Variants in KANK2 observed in about 807,000 individuals in gnomAD.
KANK2 encodes the protein KN motif and ankyrin repeat domains 2.
A neutral mutation model predicts 74.6 loss-of-function variants in KANK2; 41 were observed. The observed-to-expected ratio is 0.55, with a 90% CI of 0.43 to 0.71. KANK2 has a LOEUF of 0.71. KANK2 is among the 30% of genes least tolerant of loss of function. KANK2 has a pLI of 0.00. For synonymous variants in KANK2, 537 were observed against 519.0 expected (o/e 1.03, Z -0.47); for missense variants, 1,148 against 1,196.4 (o/e 0.96, Z 0.60).
chr19:11,180,842 T>G (rs2078492808), intron 4 of KANK2, among the ~76,000 whole-genome samples: 1 of 151,840 alleles, frequency 6.6e-6, no homozygotes, highest in Admixed American at 6.6e-5. Flanking sequence ...TCCCAGCACC[T>G]TGGGAGGCTG....
intron 4 of KANK2, 41 bp downstream of exon 4, chr19:11,192,790 C>T (rs199696692): frequency 7.5e-5 from 119 of 1,580,060 alleles, no homozygotes; most frequent in South Asian, 1.2e-4. Context: ...GAGGCCCCCC[C>T]CCCCCAAGCC....
In KANK2 at chr19:11,196,031, T is replaced by C. The variant is rs1376180506; in HGVS notation, c.-278-211A>G. 3.3e-5 allele frequency: 5 copies of C among 152,098 alleles called. No homozygotes were observed. In the Admixed American group the frequency reaches 3.3e-4, roughly 10 times the overall value. The allele number at this position is 152,098 out of a possible 1,614,324, so 9.4% of individuals were successfully genotyped here. On this transcript the variant is annotated intron_variant, in intron 1 of 12. Transcript: ENST00000586659. Reference sequence around the variant, plus strand: ...TGAGGGTGCTGCTGGGTAAATAGTATAGTAACAGTAATACTAACATCAACT... The same window carrying C: ...TGAGGGTGCTGCTGGGTAAATAGTACAGTAACAGTAATACTAACATCAACT...
intron 4 of KANK2, among the ~76,000 whole-genome samples, chr19:11,190,473 T>G (rs1299392040): frequency 6.6e-6 from 1 of 152,134 alleles, no homozygotes; most frequent in East Asian, 1.9e-4. Flanking sequence ...ACAGGACAAA[T>G]GAATCTCCTC....
chr19:11,191,596 G>A (rs1377642264), intron 4 of KANK2, among the ~76,000 whole-genome samples: 1 of 152,222 alleles, frequency 6.6e-6, no homozygotes, highest in Admixed American at 6.5e-5. Flanking sequence ...GCCAATGAGG[G>A]CCCCCTCTGG....
At chr19:11,176,504 T>A (rs2078340251) in intron 7 of KANK2, 74 bp downstream of exon 7, 2 of 1,492,836 alleles carry the variant, frequency 1.3e-6, no homozygotes, top group Non-Finnish European at 9.0e-7. Flanking sequence ...TCAAAGGGCT[T>A]GAACGGTGGG....
At chr19:11,192,723 C>T (rs1479134406) in intron 4 of KANK2, 108 bp downstream of exon 4, 2 of 1,399,138 alleles carry the variant, frequency 1.4e-6, no homozygotes, top group South Asian at 2.4e-5. Flanking sequence ...GCATGCGCCA[C>T]CGCACCCTGC....
chr19:11,192,582 CA>C, intron 4 of KANK2: 1 of 434,842 alleles, frequency 2.3e-6, no homozygotes. Context: ...TTTACAGGCG[CA>C]CGCCACCACA....
chr19:11,188,938 T>C (rs1319732416), intron 4 of KANK2, among the ~76,000 whole-genome samples: 1 of 149,022 alleles, frequency 6.7e-6, no homozygotes, highest in Admixed American at 6.8e-5. Flanking sequence ...TGAGCGGAGA[T>C]AGCGCCATTG....
chr19:11,192,808 CCT>C (rs1156883385), intron 4 of KANK2, 21 bp downstream of exon 4: 22 of 1,611,278 alleles, frequency 1.4e-5, no homozygotes, highest in Non-Finnish European at 1.9e-5. Context: ...GCCATTCTCC[CCT>C]GCCTGCCTGC....
chr19:11,186,118 T>G (rs1813659512), intron 4 of KANK2, among the ~76,000 whole-genome samples: 1 of 152,154 alleles, frequency 6.6e-6, no homozygotes, highest in Non-Finnish European at 1.5e-5. Flanking sequence ...CCGGGCGTGG[T>G]AGCTCACACC....
At chr19:11,194,197 G>C (rs532950573) in intron 3 of KANK2, among the ~76,000 whole-genome samples, 155 bp from the exon 4 acceptor site, 5 of 152,112 alleles carry the variant, frequency 3.3e-5, no homozygotes, top group Non-Finnish European at 7.4e-5. Context: ...CCAGAGCAGG[G>C]CTATGCCTCC....
chr19:11,173,077 A>G lies in KANK2; in HGVS notation c.2115T>C (p.Ile705=). 6.2e-7 allele frequency: 1 copy of G among 1,614,118 alleles called. No individual in the cohort carries two copies. Among genetic ancestry groups the G allele is most frequent in the South Asian group, 1.1e-5 (1 of 91,080 alleles). The part of the protein sequence containing the change: ...DKQNRAGYSP[I]MLTALATLKT... Reference sequence around the variant, plus strand: ...TCAGGGTGGCCAGGGCGGTGAGCATAATAGGGCTGTAGCCAGCACGGTTCT... The same window carrying G: ...TCAGGGTGGCCAGGGCGGTGAGCATGATAGGGCTGTAGCCAGCACGGTTCT... Residue 705 remains isoleucine (I), a synonymous_variant, in exon 10 of 13, where the codon ATT becomes ATC. Transcript: ENST00000586659.
At chr19:11,194,348 TC>T in intron 3 of KANK2, 126 bp downstream of exon 3, 1 of 751,344 alleles carries the variant, frequency 1.3e-6, no homozygotes, top group East Asian at 2.6e-5. Flanking sequence ...CTCTGCCTCC[TC>T]CCTCAGACCT....
intron 7 of KANK2, 84 bp from the exon 8 acceptor site, chr19:11,176,073 T>G: frequency 1.9e-6 from 2 of 1,043,866 alleles, no homozygotes; most frequent in Non-Finnish European, 2.9e-6. Context: ...ACCACGTCAC[T>G]CACAATAGGG....
chr19:11,176,526 G>A, intron 7 of KANK2, 52 bp downstream of exon 7: 1 of 1,519,054 alleles, frequency 6.6e-7, no homozygotes, highest in Non-Finnish European at 8.8e-7. Context: ...GTTTGAGGCA[G>A]AGGTCATCCA....
intron 4 of KANK2, among the ~76,000 whole-genome samples, chr19:11,189,937 G>A (rs1053523375): frequency 6.6e-6 from 1 of 152,096 alleles, no homozygotes; most frequent in African/African-American, 2.4e-5. Flanking sequence ...CACAGAACAG[G>A]CGGGTGGTGT....
At chr19:11,176,840 GGGGAGATGCTGCAGGT>G (rs1568645283) in intron 6 of KANK2, 23 bp from the exon 7 acceptor site, 4 of 1,494,454 alleles carry the variant, frequency 2.7e-6, no homozygotes, top group Non-Finnish European at 3.6e-6. Context: ...GAGCGGGGAG[GGGGAGATGCTGCAGGT>G]GGGATGAGAA....
intron 4 of KANK2, among the ~76,000 whole-genome samples, chr19:11,190,332 TG>T (rs1273674148): frequency 6.6e-6 from 1 of 152,162 alleles, no homozygotes; most frequent in Non-Finnish European, 1.5e-5. Context: ...TTCGCCATAT[TG>T]GCCAGGCTGG....
rs922730668 is a variant in KANK2, at chr19:11,170,455, G to A, written c.2212-207C>T. 1.7e-6 allele frequency: 1 copy of A among 590,784 alleles called. No individual in the cohort carries two copies. The allele number at this position is 590,784 out of a possible 1,614,324, so 36.6% of individuals were successfully genotyped here. ...AGAAAGCGGATGAGTGGTTGCCAGA[G>A]GCTGGGAGAAGCGGGGGCGGAGGAA... is the stretch of plus-strand genomic sequence containing the variant. On this transcript the variant is annotated intron_variant, in intron 10 of 12. Transcript: ENST00000586659. This position sits in a 1 kb window ranked among gnomAD's most constrained non-coding sequence, Gnocchi z 5.2.
Sources: allele counts gnomAD v4.1 joint callset (sites outside exome capture counted in the v4.1 genomes callset), GRCh38; gene constraint gnomAD v4.1.1; non-coding constraint Gnocchi (gnomAD v3.1); transcripts MANE v1.5; gene names NCBI Gene and HGNC (gene_info 2026-07-23, HGNC 2026-07-21).